SERPINA7: variants seen among roughly 807,000 people sequenced by gnomAD.
SERPINA7 encodes the protein serpin family A member 7, also known as thyroxine-binding globulin.
SERPINA7 carries 14 observed loss-of-function variants against 16.0 expected under a neutral mutation model. The observed-to-expected ratio is 0.88, with a 90% confidence interval of 0.58 to 1.37. The LOEUF is 1.37. Among genes scored for constraint, SERPINA7 ranks in the 40% most tolerant of loss-of-function variants. SERPINA7 has a pLI of 0.00. For missense variants in SERPINA7, 335 were observed against 296.6 expected, an observed-to-expected ratio of 1.13 and a Z score of -0.95; for synonymous variants, 140 against 111.0, an observed-to-expected ratio of 1.26 and a Z score of -1.65.
At chrX:106,035,498 C>T in intron 2 of SERPINA7, 113 bp from the exon 3 acceptor site, 1 of 741,685 alleles carries the variant, frequency 1.3e-6, no homozygotes, top group Non-Finnish European at 2.0e-6. Flanking sequence ...AGTTAGGTAC[C>T]TACAGTCAAC....
chrX:106,036,841 A>T lies in SERPINA7; in HGVS notation c.218T>A (p.Ile73Asn). 1 of 1,211,276 alleles carries T rather than the reference A, an allele frequency of 8.3e-7. No individual in the cohort carries two copies. The highest frequency in any genetic ancestry group is 1.1e-6 in the Non-Finnish European group (1 of 895,273). Residue 73 changes from isoleucine (I) to asparagine (N), a missense_variant, in exon 2 of 5, where the codon ATT becomes AAT. Coordinates refer to ENST00000372563, the MANE Select transcript of SERPINA7 (RefSeq NM_000354.6). Reference sequence around the variant, plus strand: ...GGAAAGCATAACCAAAGCTGCAGAAATGCTCACAGGGGAAAAGAAGATGTT... The same window carrying T: ...GGAAAGCATAACCAAAGCTGCAGAATTGCTCACAGGGGAAAAGAAGATGTT... ...DKNIFFSPVS[I>N]SAALVMLSFG... is the part of the protein sequence containing the mutation.
In SERPINA7 at chrX:106,036,440, T is replaced by C. The variant is rs781527456; in HGVS notation, c.619A>G (p.Lys207Glu). 4 of 1,210,526 alleles carry C rather than the reference T, an allele frequency of 3.3e-6. No individual in the cohort carries two copies. The South Asian group carries it at 5.3e-5, about 16-fold the overall frequency. Residue 207 changes from lysine (K) to glutamate (E), a missense_variant, in exon 2 of 5, where the codon AAA becomes GAA. Coordinates refer to ENST00000372563, the MANE Select transcript of SERPINA7 (RefSeq NM_000354.6). ...IMVLVNYIHF[K>E]AQWANPFDPS... Reference sequence around the variant, plus strand: ...AATTGACATCTGAAAGTCTTACCTTTAAAGTGAATATAGTTCACTAAGACC... The same window carrying C: ...AATTGACATCTGAAAGTCTTACCTTCAAAGTGAATATAGTTCACTAAGACC...
chrX:106,037,027 AC>A lies in SERPINA7; in HGVS notation c.31del (p.Val11TyrfsTer17). The A allele has an allele frequency of 8.3e-7, 1 of 1,209,537 alleles. No individual in the cohort carries two copies. On this transcript the variant is annotated frameshift_variant, in exon 2 of 5. Transcript: ENST00000372563. LOFTEE classifies it high-confidence loss of function. MSPFLYLVLL[V>X]LGLHATIHCA... ...GTGGATTGTAGCATGAAGCCCAAGT[AC>A]CAAGAGAACCAGATACAGGAATGGT...
In SERPINA7 at chrX:106,035,065, G is replaced by A. The variant is rs2234037; in HGVS notation, c.896+47C>T. 13,230 of 1,197,078 alleles carry A rather than the reference G, an allele frequency of 0.011. 962 individuals carry two copies. The African/African-American group carries it at 0.2, about 18-fold the overall frequency. On this transcript the variant is annotated intron_variant, in intron 3 of 4. Transcript: ENST00000372563. ...GTTTCTGCTGAACTCTGTCTCACCT[G>A]CACTTTTATGCCCACCTTCCACCCA...
rs2041453107 is a variant in SERPINA7 at position 106,036,700 on chromosome X, T to C, written c.359A>G (p.Asn120Ser). 1.7e-6 allele frequency: 2 copies of C among 1,211,025 alleles called. No individual in the cohort carries two copies. Among genetic ancestry groups the C allele is most frequent in the Non-Finnish European group, 2.2e-6 (2 of 895,220 alleles). Residue 120 changes from asparagine to serine, a missense_variant, in exon 2 of 5, where the codon AAT becomes AGT. Transcript: ENST00000372563. ...CAATTCCAGTTCCTTCTTTGGAAAA[T>C]TCAGTGAACAGATCAGATGCTGGAA... ...HGFQHLICSL[N>S]FPKKELELQI...
intron 3 of SERPINA7, among the ~76,000 whole-genome samples, chrX:106,034,622 A>C (rs2041434484): frequency 8.9e-6 from 1 of 112,140 alleles, no homozygotes; most frequent in Non-Finnish European, 1.9e-5. Flanking sequence ...CTCCTTTATA[A>C]TCAAGAGAAA....
chrX:106,033,992 C>A (rs1410954800), intron 4 of SERPINA7, among the ~76,000 whole-genome samples: 1 of 111,953 alleles, frequency 8.9e-6, no homozygotes, highest in Non-Finnish European at 1.9e-5. Flanking sequence ...ACCAGAGTCA[C>A]TTCTGATCAT....
At chrX:106,035,058 C>G in intron 3 of SERPINA7, 54 bp downstream of exon 3, 1 of 1,193,147 alleles carries the variant, frequency 8.4e-7, no homozygotes, top group South Asian at 1.8e-5. Context: ...TGAACTCTGT[C>G]TCACCTGCAC....
chrX:106,033,984 CAG>C (rs1171719392), intron 4 of SERPINA7, among the ~76,000 whole-genome samples: 2 of 111,915 alleles, frequency 1.8e-5, no homozygotes, highest in Non-Finnish European at 3.8e-5. Flanking sequence ...TGCATCTCAC[CAG>C]AGTCACTTCT....
Position 106,033,487 on chromosome X carries a change from G to T in SERPINA7, c.*13C>A. 6 of 1,209,211 alleles carry T rather than the reference G, an allele frequency of 5.0e-6. No homozygotes were observed. The highest frequency in any genetic ancestry group is 6.7e-6 in the Non-Finnish European group (6 of 893,369). On this transcript the variant is annotated 3_prime_UTR_variant, in exon 5 of 5. Coordinates refer to ENST00000372563, the MANE Select transcript of SERPINA7 (RefSeq NM_000354.6). ...AATACACACGTGCAATTAGCCAATG[G>T]CCTTTTTCCCAACTACGCTTCCGTT...
At position 106,037,050 on chromosome X, in the gene SERPINA7, T is replaced by A. The variant is rs751711434; in HGVS notation, c.9A>T (p.Pro3=). ...GTACCAAGAGAACCAGATACAGGAA[T>A]GGTGACATTTTGGAAGGAAGTTAAT... MS[P]FLYLVLLVLG... Residue 3 remains proline (P), a synonymous_variant, in exon 2 of 5, where the codon CCA becomes CCT. Transcript: ENST00000372563. 9 of 1,207,397 alleles carry A rather than the reference T, an allele frequency of 7.5e-6. No individual in the cohort carries two copies. In the East Asian group the frequency reaches 2.1e-4, roughly 28 times the overall value.
chrX:106,033,470 C>A lies in SERPINA7; in HGVS notation c.*30G>T. The A allele has an allele frequency of 8.3e-7, 1 of 1,201,985 alleles. No homozygotes were observed. Among genetic ancestry groups the A allele is most frequent in the Non-Finnish European group, 1.1e-6 (1 of 886,679 alleles). ...TATTTATTTCCCATTGCAATACACA[C>A]GTGCAATTAGCCAATGGCCTTTTTC... On this transcript the variant is annotated 3_prime_UTR_variant, in exon 5 of 5. Transcript: ENST00000372563.
chrX:106,033,791 G>T, intron 4 of SERPINA7, 88 bp from the exon 5 acceptor site: 1 of 1,204,373 alleles, frequency 8.3e-7, no homozygotes, highest in Non-Finnish European at 1.1e-6. Flanking sequence ...GAAAGGAAAG[G>T]TGGGGCCGCC....
rs1271352512 is a variant in SERPINA7, at chrX:106,033,666, C to A, written c.1082G>T (p.Gly361Val). Residue 361 changes from glycine (G) to valine (V), a missense_variant, in exon 5 of 5, where the codon GGA becomes GTA. Gly to Val is a moderately radical substitution (Grantham distance 109). Coordinates refer to ENST00000372563, the MANE Select transcript of SERPINA7 (RefSeq NM_000354.6). The part of the protein sequence containing the change: ...HKAVLHIGEK[G>V]TEAAAVPEVE... ...TTCAGGGACAGCTGCAGCTTCAGTT[C>A]CCTTTTCACCAATGTGCAGCACAGC... 8.3e-7 allele frequency: 1 copy of A among 1,211,353 alleles called. No homozygotes were observed. Among genetic ancestry groups the A allele is most frequent in the Non-Finnish European group, 1.1e-6 (1 of 895,250 alleles).
In SERPINA7 at chrX:106,037,001, A is replaced by G; in HGVS notation, c.58T>C (p.Cys20Arg). 8.3e-7 allele frequency: 1 copy of G among 1,209,199 alleles called. No homozygotes were observed. Among genetic ancestry groups the G allele is most frequent in the African/African-American group, 1.7e-5 (1 of 57,619 alleles). ...GTTACTTTGCCTTCAGGTGATGCAC[A>G]GTGGATTGTAGCATGAAGCCCAAGT... ...LVLGLHATIH[C>R]ASPEGKVTAC... Residue 20 changes from cysteine to arginine, a missense_variant, in exon 2 of 5, where the codon TGT becomes CGT. Physicochemically the swap from Cys to Arg is radical, Grantham distance 180 (BLOSUM62 -3). Transcript: ENST00000372563.
chrX:106,036,752 T>C lies in SERPINA7; in HGVS notation c.307A>G (p.Thr103Ala), dbSNP rs2147842920. The change falls in exon 2 of 5, where the codon ACT becomes GCT. Residue 103 changes from threonine to alanine, a missense_variant. Coordinates refer to ENST00000372563, the MANE Select transcript of SERPINA7 (RefSeq NM_000354.6). ...CCATGCTGGATCTCTACCATTGGAG[T>C]GTCTGTGAGGTTGAACCCCAAGGTC... is the stretch of plus-strand genomic sequence containing the variant. ...VETLGFNLTD[T>A]PMVEIQHGFQ... 9 of 1,210,326 alleles carry C rather than the reference T, an allele frequency of 7.4e-6. No individual in the cohort carries two copies. Among genetic ancestry groups the C allele is most frequent in the South Asian group, 1.8e-5 (1 of 56,959 alleles).
rs1163708178 is a variant in SERPINA7 at position 106,034,233 on chromosome X, A to C, written c.1044+2T>G. Reference sequence around the variant, plus strand: ...TTTAAGAACTCTAGTTTATCAACTTACATTGGAAAGTTTCAGACCATTGTC... The same window carrying C: ...TTTAAGAACTCTAGTTTATCAACTTCCATTGGAAAGTTTCAGACCATTGTC... On this transcript the variant is annotated splice_donor_variant, in intron 4 of 4. Transcript: ENST00000372563. LOFTEE classifies it high-confidence loss of function. The C allele has an allele frequency of 5.0e-6, 6 of 1,208,273 alleles. No homozygotes were observed. Among genetic ancestry groups the C allele is most frequent in the Non-Finnish European group, 6.7e-6 (6 of 893,494 alleles).
Position 106,036,955 on chromosome X carries a change from G to T in SERPINA7, c.104C>A (p.Pro35Gln). 1 of 1,211,267 alleles carries T rather than the reference G, an allele frequency of 8.3e-7. No homozygotes were observed. Among genetic ancestry groups the T allele is most frequent in the Non-Finnish European group, 1.1e-6 (1 of 895,091 alleles). Residue 35 changes from proline (P) to glutamine (Q), a missense_variant, in exon 2 of 5, where the codon CCA becomes CAA. Pro to Gln is a moderately conservative substitution (Grantham distance 76). Transcript: ENST00000372563. The part of the protein sequence containing the change: ...GKVTACHSSQ[P>Q]NATLYKMSSI... ...TGACATCTTGTAGAGAGTGGCATTT[G>T]GTTGGGATGAATGGCAGGCTGTTAC...
At position 106,033,563 on chromosome X, in the gene SERPINA7, A is replaced by T; in HGVS notation, c.1185T>A (p.Ile395=). ...IQIDRSFMLL[I]LERSTRSILF... ...GAATACTCCTTGTGCTTCTCTCCAAAATCAACAACATGAAAGATCTATCAA... is the reference window on the plus strand; with the variant it reads ...GAATACTCCTTGTGCTTCTCTCCAATATCAACAACATGAAAGATCTATCAA... The change falls in exon 5 of 5, where the codon ATT becomes ATA. Residue 395 remains isoleucine, a synonymous_variant. Coordinates refer to ENST00000372563, the MANE Select transcript of SERPINA7 (RefSeq NM_000354.6). The T allele has an allele frequency of 8.3e-7, 1 of 1,211,091 alleles. No individual in the cohort carries two copies. Among genetic ancestry groups the T allele is most frequent in the South Asian group, 1.8e-5 (1 of 56,991 alleles).
Sources: gnomAD v4.1 joint callset for allele counts (sites outside exome capture counted in the v4.1 genomes callset) on GRCh38, gnomAD v4.1.1 for gene constraint, MANE v1.5 for transcripts, NCBI Gene and HGNC (gene_info 2026-07-23, HGNC 2026-07-21) for gene names.